The following RAPH1 variants were observed in gnomAD, a reference collection of about 807,000 sequenced individuals.
RAPH1 encodes Ras association (RalGDS/AF-6) and pleckstrin homology domains 1.
A neutral mutation model predicts 88.1 loss-of-function variants in RAPH1; 18 were observed. That is an observed-to-expected ratio of 0.20 (90% CI 0.14 to 0.30). The LOEUF is 0.30. RAPH1 is among the 10% of genes least tolerant of loss of function. The pLI is 1.00. For synonymous variants in RAPH1, 587 were observed against 559.0 expected, an observed-to-expected ratio of 1.05 and a Z score of -0.71; for missense variants, 1,448 against 1,543.2, an observed-to-expected ratio of 0.94 and a Z score of 1.03.
intron 4 of RAPH1, among the ~76,000 whole-genome samples, chr2:203,463,370 CAAAA>C (rs1184123271): frequency 1.3e-5 from 2 of 152,070 alleles, no homozygotes; most frequent in Admixed American, 6.5e-5. Flanking sequence ...GGGCAAAAAA[CAAAA>C]AGAGAAACTC....
intron 10 of RAPH1, among the ~76,000 whole-genome samples, chr2:203,452,089 G>A (rs1167978047): frequency 6.6e-6 from 1 of 152,178 alleles, no homozygotes; most frequent in Non-Finnish European, 1.5e-5. Context: ...AGTAGAACAA[G>A]GAAAGATGGA....
chr2:203,506,225 G>C (rs1328769502), intron 1 of RAPH1, among the ~76,000 whole-genome samples: 5 of 152,096 alleles, frequency 3.3e-5, no homozygotes, highest in Non-Finnish European at 7.4e-5. Flanking sequence ...TAAACTCAAG[G>C]TTTCAAACAG....
chr2:203,513,351 CTTTTTTTTTTTTTT>C (rs35194583), intron 1 of RAPH1, among the ~76,000 whole-genome samples: 10 of 86,912 alleles, frequency 1.2e-4, no homozygotes, highest in African/African-American at 4.4e-4. Flanking sequence ...TTCTCTCAAT[CTTTTTTTTTTTTTT>C]TTTTTTTGAG....
At chr2:203,499,998 C>T (rs2247380) in intron 1 of RAPH1, among the ~76,000 whole-genome samples, 91,501 of 152,000 alleles carry the variant, frequency 0.6, 28,065 homozygotes, top group Middle Eastern at 0.76. Context: ...AGAGTGCTAT[C>T]AGAGCCATTT....
At position 203,440,882 on chromosome 2, in the gene RAPH1, G is replaced by T; in HGVS notation, c.2308C>A (p.Pro770Thr). The T allele has an allele frequency of 7.1e-7, 1 of 1,404,746 alleles. No individual in the cohort carries two copies. Among genetic ancestry groups the T allele is most frequent in the Non-Finnish European group, 9.7e-7 (1 of 1,026,946 alleles). 87.0% of individuals were successfully genotyped at this position (1,404,746 alleles called of 1,614,324 possible). ...PPTPPPPPPI[P>T]APLPPQAPPK... ...GGAGCTTGGGGAGGGAGGGGTGCAG[G>T]GATAGGAGGAGGTGGGGGGGGTGTT... The change falls in exon 14 of 14, where the codon CCT becomes ACT. Residue 770 changes from proline (P) to threonine (T), a missense_variant. Pro to Thr is a conservative substitution (Grantham distance 38). Coordinates refer to ENST00000319170, the MANE Select transcript of RAPH1 (RefSeq NM_213589.3).
intron 4 of RAPH1, among the ~76,000 whole-genome samples, chr2:203,488,610 A>AC (rs1347673638): frequency 5.5e-5 from 8 of 146,118 alleles, no homozygotes; most frequent in Non-Finnish European, 1.2e-4. Context: ...AAAAAAAAAA[A>AC]AAAAAAAACC....
chr2:203,493,778 C>T (rs962652846), intron 2 of RAPH1, among the ~76,000 whole-genome samples: 6 of 151,984 alleles, frequency 3.9e-5, no homozygotes, highest in African/African-American at 1.4e-4. Flanking sequence ...TCAAGATCAG[C>T]TTGGCTAACA....
At chr2:203,503,625 G>A (rs888146636) in intron 1 of RAPH1, among the ~76,000 whole-genome samples, 1 of 152,092 alleles carries the variant, frequency 6.6e-6, no homozygotes, top group Non-Finnish European at 1.5e-5. Context: ...CAAATCTCAT[G>A]TCCTCACATT....
intron 10 of RAPH1, among the ~76,000 whole-genome samples, chr2:203,451,408 C>T (rs1202056912): frequency 4.6e-5 from 7 of 152,164 alleles, no homozygotes; most frequent in Non-Finnish European, 5.9e-5. Context: ...AGAATTTGAA[C>T]CCATGCAATC....
intron 1 of RAPH1, among the ~76,000 whole-genome samples, chr2:203,527,240 T>C (rs978328673): frequency 1.1e-4 from 16 of 152,304 alleles, no homozygotes; most frequent in East Asian, 9.6e-4. Context: ...ATGTATTTTA[T>C]ATATAATACA....
chr2:203,441,874 G>C, intron 13 of RAPH1: 3 of 1,351,894 alleles, frequency 2.2e-6, no homozygotes. Context: ...ACTGGGTTTA[G>C]GAGGGCTTCC....
intron 1 of RAPH1, among the ~76,000 whole-genome samples, chr2:203,497,992 A>T (rs1688590948): frequency 6.6e-6 from 1 of 152,230 alleles, no homozygotes; most frequent in Admixed American, 6.5e-5. Context: ...CAGGAGCAGT[A>T]ATAGCCAGTT....
At chr2:203,526,912 T>C (rs1015579125) in intron 1 of RAPH1, among the ~76,000 whole-genome samples, 1 of 151,674 alleles carries the variant, frequency 6.6e-6, no homozygotes, top group Non-Finnish European at 1.5e-5. Context: ...GCCTCCTGAG[T>C]AGCTGGGATT....
chr2:203,516,125 G>A (rs1234912681), intron 1 of RAPH1, among the ~76,000 whole-genome samples: 1 of 152,024 alleles, frequency 6.6e-6, no homozygotes, highest in Non-Finnish European at 1.5e-5. Context: ...CAGGAGAGAG[G>A]AATTCATATT....
chr2:203,459,169 T>C (rs1415704463), intron 7 of RAPH1, among the ~76,000 whole-genome samples: 1 of 152,170 alleles, frequency 6.6e-6, no homozygotes, highest in Non-Finnish European at 1.5e-5. Context: ...GCGCCTGGCC[T>C]GTAATTATTT....
chr2:203,486,112 G>T (rs1464370713), intron 4 of RAPH1, among the ~76,000 whole-genome samples: 3 of 146,712 alleles, frequency 2.0e-5, no homozygotes, highest in Non-Finnish European at 3.0e-5. Flanking sequence ...AAAAAAGAAA[G>T]AAAAGAAATA....
At chr2:203,503,449 T>A (rs1054533380) in intron 1 of RAPH1, among the ~76,000 whole-genome samples, 4 of 152,046 alleles carry the variant, frequency 2.6e-5, no homozygotes, top group Admixed American at 2.6e-4. Context: ...ACCCATCAGA[T>A]CTCATGAACT....
At chr2:203,454,936 G>T (rs891941724) in intron 9 of RAPH1, among the ~76,000 whole-genome samples, 3 of 152,190 alleles carry the variant, frequency 2.0e-5, no homozygotes, top group African/African-American at 7.2e-5. Flanking sequence ...TGGTTGGGGG[G>T]AGGTTTTCAC....
At chr2:203,450,548 C>CTCAT (rs1464685648) in intron 10 of RAPH1, among the ~76,000 whole-genome samples, 1 of 152,166 alleles carries the variant, frequency 6.6e-6, no homozygotes, top group African/African-American at 2.4e-5. Context: ...GGGATTTTAC[C>CTCAT]TCATTCATTC....
Sources: allele counts gnomAD v4.1 joint callset (sites outside exome capture counted in the v4.1 genomes callset), GRCh38; gene constraint gnomAD v4.1.1; transcripts MANE v1.5; gene names NCBI Gene and HGNC (gene_info 2026-07-23, HGNC 2026-07-21).